PIP4K2A: variants seen among roughly 807,000 people sequenced by gnomAD.
The protein encoded by PIP4K2A is phosphatidylinositol 5-phosphate 4-kinase type-2 alpha.
PIP4K2A carries 14 observed loss-of-function variants against 42.9 expected under a neutral mutation model. The observed-to-expected ratio is 0.33, with a 90% confidence interval of 0.22 to 0.51. PIP4K2A has a LOEUF of 0.51. Ranked by LOEUF, PIP4K2A falls within the 20% of genes least tolerant of loss-of-function variation. The pLI, the probability that PIP4K2A is intolerant of heterozygous loss-of-function variation, is 0.97. For synonymous variants in PIP4K2A, 192 were observed against 192.2 expected, an observed-to-expected ratio of 1.00 and a Z score of 0.01; for missense variants, 434 against 519.8, an observed-to-expected ratio of 0.83 and a Z score of 1.61.
intron 1 of PIP4K2A, among the ~76,000 whole-genome samples, chr10:22,677,030 A>G (rs941719568): frequency 5.9e-5 from 9 of 152,216 alleles, no homozygotes; most frequent in African/African-American, 2.2e-4. Context: ...TACTTTCCTT[A>G]TATTTCTCTT....
chr10:22,672,655 C>A (rs1839478286), intron 1 of PIP4K2A, among the ~76,000 whole-genome samples: 1 of 152,110 alleles, frequency 6.6e-6, no homozygotes, highest in South Asian at 2.1e-4. Flanking sequence ...ATGCAGAGAT[C>A]AATTCCAGAA....
chr10:22,659,324 G>A (rs952118553), intron 1 of PIP4K2A, among the ~76,000 whole-genome samples: 1 of 152,230 alleles, frequency 6.6e-6, no homozygotes, highest in Non-Finnish European at 1.5e-5. Flanking sequence ...GCTGGGTGCA[G>A]TGGCTCATGC....
chr10:22,672,846 A>C (rs999037876), intron 1 of PIP4K2A, among the ~76,000 whole-genome samples: 6 of 152,216 alleles, frequency 3.9e-5, no homozygotes, highest in African/African-American at 1.2e-4. Flanking sequence ...CAACGTCCTA[A>C]AAAGGTGAGC....
rs111251969 is a variant in PIP4K2A at position 22,622,630 on chromosome 10, T to C, written c.145-12913A>G. ...GGGCGGCAGCACAAAGGCTGGCCTC[T>C]TCCCCACTGTCAGTGGACGGGCACC... is the stretch of plus-strand genomic sequence containing the variant. On this transcript the variant is annotated intron_variant, in intron 1 of 9. Transcript: ENST00000376573. Among the ~76,000 whole-genome samples, 723 of 152,330 alleles carry C rather than the reference T, an allele frequency of 4.7e-3. 5 individuals carry two copies. Among genetic ancestry groups the C allele is most frequent in the Non-Finnish European group, 7.9e-3 (540 of 68,036 alleles).
At chr10:22,557,070 C>A (rs942165234) in intron 6 of PIP4K2A, among the ~76,000 whole-genome samples, 6 of 152,154 alleles carry the variant, frequency 3.9e-5, no homozygotes, top group South Asian at 2.1e-4. Context: ...AGCCTCTCAA[C>A]GGAATTACTT....
At chr10:22,537,404 G>A in intron 9 of PIP4K2A, 123 bp from the exon 10 acceptor site, 1 of 711,700 alleles carries the variant, frequency 1.4e-6, no homozygotes, top group South Asian at 1.8e-5. Context: ...TCAAATCCAT[G>A]CAGTCTCTGC....
In PIP4K2A at chr10:22,627,595, A is replaced by T. The variant is rs868750738; in HGVS notation, c.145-17878T>A. Among the ~76,000 whole-genome samples, 20 of 30,008 alleles carry T rather than the reference A, an allele frequency of 6.7e-4. No homozygotes were observed. The South Asian group carries it at 7.6e-3, about 11-fold the overall frequency. 19.7% of individuals were successfully genotyped at this position (30,008 alleles called of 152,430 possible). ...TAACCAAAAGCTAATATGTAATAAA[A>T]AAAAAAAAAAAAAAAAAAAAAAAAA... On this transcript the variant is annotated intron_variant, in intron 1 of 9. Transcript: ENST00000376573.
Position 22,573,425 on chromosome 10 carries a change from A to G in PIP4K2A, c.525T>C (p.Leu175=). The part of the protein sequence containing the change: ...YIVECHGITL[L]PQFLGMYRLN... ...GCCGGTACATGCCCAAGAACTGGGG[A>G]AGAAGGGTGATCCCATGACATTCCA... Residue 175 remains leucine (L), a synonymous_variant, in exon 5 of 10, where the codon CTT becomes CTC. Transcript: ENST00000376573. 1 of 1,613,998 alleles carries G rather than the reference A, an allele frequency of 6.2e-7. No individual in the cohort carries two copies.
At chr10:22,549,338 T>G (rs964530176) in intron 7 of PIP4K2A, among the ~76,000 whole-genome samples, 71 of 151,802 alleles carry the variant, frequency 4.7e-4, no homozygotes, top group African/African-American at 1.7e-3. Flanking sequence ...GTGGCTTTCG[T>G]CATTTTCTTT....
intron 1 of PIP4K2A, among the ~76,000 whole-genome samples, chr10:22,642,556 ATG>A (rs1314868532): frequency 2.0e-5 from 3 of 151,920 alleles, no homozygotes; most frequent in Non-Finnish European, 2.9e-5. Context: ...TAAACAGATC[ATG>A]TGTGTCTGTA....
chr10:22,645,016 T>G lies in PIP4K2A; in HGVS notation c.145-35299A>C, dbSNP rs539483832. 2.6e-5 allele frequency among the ~76,000 whole-genome samples: 4 copies of G among 152,302 alleles called. No homozygotes were observed. The East Asian group carries it at 5.8e-4, about 22-fold the overall frequency. Reference sequence around the variant, plus strand: ...CTTACTGCCTACCCCCTTCCCCCTATGCTGGGGACTTACTAAAAGAGCAAA... The same window carrying G: ...CTTACTGCCTACCCCCTTCCCCCTAGGCTGGGGACTTACTAAAAGAGCAAA... On this transcript the variant is annotated intron_variant, in intron 1 of 9. Coordinates refer to ENST00000376573, the MANE Select transcript of PIP4K2A (RefSeq NM_005028.5).
intron 6 of PIP4K2A, among the ~76,000 whole-genome samples, chr10:22,564,510 C>T (rs748992334): frequency 6.6e-6 from 1 of 152,234 alleles, no homozygotes; most frequent in African/African-American, 2.4e-5. Context: ...TGACTCTGTA[C>T]ACACCCTGGC....
intron 1 of PIP4K2A, among the ~76,000 whole-genome samples, chr10:22,713,213 C>A (rs938334501): frequency 6.6e-6 from 1 of 152,218 alleles, no homozygotes; most frequent in South Asian, 2.1e-4. Context: ...CAGCAGGAGG[C>A]TATTTCAGAC....
At chr10:22,669,010 T>C (rs1431542018) in intron 1 of PIP4K2A, among the ~76,000 whole-genome samples, 1 of 152,186 alleles carries the variant, frequency 6.6e-6, no homozygotes, top group East Asian at 1.9e-4. Flanking sequence ...TTGTTGCTAG[T>C]TGATAATTTG....
intron 1 of PIP4K2A, among the ~76,000 whole-genome samples, chr10:22,671,416 C>T (rs1839446372): frequency 6.6e-6 from 1 of 152,146 alleles, no homozygotes; most frequent in Non-Finnish European, 1.5e-5. Flanking sequence ...TCAGCCACTG[C>T]TCCGAGGAGT....
At chr10:22,591,873 G>T (rs1032513857) in intron 3 of PIP4K2A, 92 bp from the exon 4 acceptor site, 1 of 1,157,184 alleles carries the variant, frequency 8.6e-7, no homozygotes, top group Non-Finnish European at 1.2e-6. Context: ...TGTCATCATT[G>T]CAAGTTTTCA....
At chr10:22,604,007 ACG>A (rs918214157) in intron 3 of PIP4K2A, among the ~76,000 whole-genome samples, 1 of 84,960 alleles carries the variant, frequency 1.2e-5, no homozygotes, top group African/African-American at 6.2e-5. Context: ...ACACGCGCGC[ACG>A]CACACACACA....
intron 6 of PIP4K2A, among the ~76,000 whole-genome samples, chr10:22,566,115 G>C (rs990916140): frequency 6.6e-6 from 1 of 152,126 alleles, no homozygotes; most frequent in Non-Finnish European, 1.5e-5. Context: ...AGTACTTGAT[G>C]TCTGTTACTC....
rs142386968 is a variant in PIP4K2A, at chr10:22,588,033, A to G, written c.492+3596T>C. ...GAGGTTTCTGTGGAATTCTCTGATC[A>G]TGTAATTAACACTGTTACTCTTCAC... On this transcript the variant is annotated intron_variant, in intron 4 of 9. Transcript: ENST00000376573. Among the ~76,000 whole-genome samples the G allele has an allele frequency of 3.5e-3, 539 of 152,316 alleles. 1 individual carries two copies. Among genetic ancestry groups the G allele is most frequent in the African/African-American group, 0.013 (527 of 41,574 alleles).
Sources: gnomAD v4.1 joint callset for allele counts (sites outside exome capture counted in the v4.1 genomes callset) on GRCh38, gnomAD v4.1.1 for gene constraint, MANE v1.5 for transcripts, NCBI Gene and HGNC (gene_info 2026-07-23, HGNC 2026-07-21) for gene names.